Variants in LIN28B observed in about 807,000 individuals in gnomAD.
LIN28B encodes protein lin-28 homolog B.
A neutral mutation model predicts 21.9 loss-of-function variants in LIN28B; 5 were observed. The ratio of observed to expected loss-of-function variants is 0.23; its 90% CI spans 0.12 to 0.48. The LOEUF is 0.48. Among genes scored for constraint, LIN28B ranks in the 20% least tolerant of loss-of-function variants. The probability of loss-of-function intolerance (pLI) is 0.98; values close to 1 mark genes in which losing one functional copy is unlikely to be tolerated. For synonymous variants in LIN28B, 109 were observed against 111.3 expected, an observed-to-expected ratio of 0.98 and a Z score of 0.13; for missense variants, 245 against 310.5, an observed-to-expected ratio of 0.79 and a Z score of 1.58.
At chr6:104,942,633 C>T (rs1157979221) in intron 2 of LIN28B, among the ~76,000 whole-genome samples, 2 of 152,068 alleles carry the variant, frequency 1.3e-5, no homozygotes, top group African/African-American at 4.8e-5. Flanking sequence ...TAATTACACC[C>T]TTGTCCATCT....
chr6:105,056,053 G>C (rs1363051647), intron 3 of LIN28B, among the ~76,000 whole-genome samples: 3 of 150,386 alleles, frequency 2.0e-5, no homozygotes, highest in Admixed American at 1.3e-4. Context: ...GAGCCACTGT[G>C]CCCAGCCTCT....
chr6:104,956,822 A>G (rs182602741), upstream of LIN28B, among the ~76,000 whole-genome samples: 274 of 152,260 alleles, frequency 1.8e-3, 1 homozygote, highest in Non-Finnish European at 1.6e-3. Flanking sequence ...TTCTAAATCT[A>G]TGATTCACAA....
At chr6:104,983,151 T>C (rs569322286) in intron 2 of LIN28B, among the ~76,000 whole-genome samples, 1 of 152,292 alleles carries the variant, frequency 6.6e-6, no homozygotes, top group Admixed American at 6.5e-5. Context: ...ATAAATAATA[T>C]TCAAGGCATC....
At chr6:105,015,930 A>T (rs1335507794) in intron 2 of LIN28B, among the ~76,000 whole-genome samples, 1 of 152,202 alleles carries the variant, frequency 6.6e-6, no homozygotes, top group Non-Finnish European at 1.5e-5. Context: ...TTCTAGGCTT[A>T]TAGTATACAT....
upstream of LIN28B, among the ~76,000 whole-genome samples, chr6:104,956,590 A>G (rs1217008023): frequency 6.6e-6 from 1 of 152,302 alleles, no homozygotes; most frequent in Admixed American, 6.5e-5. Flanking sequence ...ATGGGGATGT[A>G]ATTAGGTTTA....
chr6:104,947,273 C>A (rs1364117602), intron 2 of LIN28B, among the ~76,000 whole-genome samples: 1 of 152,068 alleles, frequency 6.6e-6, no homozygotes, highest in Non-Finnish European at 1.5e-5. Context: ...TACAGGCATG[C>A]ACGACCACGC....
At chr6:104,996,105 C>T (rs1254442309) in intron 2 of LIN28B, among the ~76,000 whole-genome samples, 5 of 151,970 alleles carry the variant, frequency 3.3e-5, no homozygotes, top group East Asian at 1.9e-4. Flanking sequence ...AATAAGAGGG[C>T]GTTAAAAAGG....
chr6:105,054,901 A>T (rs1393033616), intron 3 of LIN28B, among the ~76,000 whole-genome samples: 1 of 149,972 alleles, frequency 6.7e-6, no homozygotes, highest in Non-Finnish European at 1.5e-5. Context: ...ATTCACTCAG[A>T]TATCTTTATT....
At chr6:105,028,922 C>T (rs961128023) in intron 3 of LIN28B, among the ~76,000 whole-genome samples, 1 of 152,060 alleles carries the variant, frequency 6.6e-6, no homozygotes, top group Non-Finnish European at 1.5e-5. Context: ...GGAGGAACAG[C>T]AAAGGGCACT....
intron 2 of LIN28B, among the ~76,000 whole-genome samples, chr6:104,992,376 CAATT>C (rs1161246484): frequency 6.6e-6 from 1 of 151,858 alleles, no homozygotes; most frequent in East Asian, 1.9e-4. Flanking sequence ...TCTTATGTAA[CAATT>C]AATATTACTT....
intron 2 of LIN28B, among the ~76,000 whole-genome samples, chr6:104,939,074 T>C (rs1778049280): frequency 1.3e-5 from 2 of 152,214 alleles, no homozygotes; most frequent in Non-Finnish European, 2.9e-5. Context: ...CAGTTCATTC[T>C]GTAAGTGCAT....
intron 2 of LIN28B, among the ~76,000 whole-genome samples, chr6:105,001,666 GA>G (rs1340016119): frequency 1.3e-5 from 2 of 152,196 alleles, no homozygotes; most frequent in Admixed American, 6.5e-5. Context: ...ATGAACAAAT[GA>G]GTAGGGAAGA....
chr6:105,003,674 A>G (rs1167633713), intron 2 of LIN28B, among the ~76,000 whole-genome samples: 1 of 151,888 alleles, frequency 6.6e-6, no homozygotes, highest in African/African-American at 2.4e-5. Context: ...CACCATGCCC[A>G]GCTAAGTTTT....
chr6:105,018,779 T>A (rs1771078769), intron 2 of LIN28B, among the ~76,000 whole-genome samples: 1 of 152,142 alleles, frequency 6.6e-6, no homozygotes. Context: ...CTTTCACTTC[T>A]AAGCCACTTA....
At chr6:105,057,101 A>G (rs1772036572) in intron 3 of LIN28B, among the ~76,000 whole-genome samples, 1 of 152,222 alleles carries the variant, frequency 6.6e-6, no homozygotes, top group Non-Finnish European at 1.5e-5. Context: ...ATGCAGAGAT[A>G]AAATATCTAT....
chr6:105,044,786 T>G (rs1437579133), intron 3 of LIN28B, among the ~76,000 whole-genome samples: 3 of 152,162 alleles, frequency 2.0e-5, no homozygotes, highest in Non-Finnish European at 4.4e-5. Flanking sequence ...AAGCCTGGCT[T>G]TTAGTGTACC....
upstream of LIN28B, among the ~76,000 whole-genome samples, chr6:104,954,817 T>C (rs1778263959): frequency 6.6e-6 from 1 of 152,142 alleles, no homozygotes; most frequent in African/African-American, 2.4e-5. Context: ...GTATTCCACT[T>C]TTCACCCACA....
Position 104,994,916 on chromosome 6 carries a change from G to T in LIN28B, c.199-31382G>T, listed in dbSNP as rs529092371. 2.1e-4 allele frequency among the ~76,000 whole-genome samples: 32 copies of T among 152,302 alleles called. 2 individuals are homozygous for T. The South Asian group carries it at 5.8e-3, about 28-fold the overall frequency. ...CAGATTTTCACTATAAGTGGTTCTT[G>T]CTGTATTGCAGACTGAGTTATCCCT... On this transcript the variant is annotated intron_variant, in intron 2 of 3. Transcript: ENST00000345080.
chr6:104,992,484 TTG>T (rs752464999), intron 2 of LIN28B, among the ~76,000 whole-genome samples: 6,789 of 135,918 alleles, frequency 0.05, 219 homozygotes, highest in African/African-American at 0.088. Flanking sequence ...TAAGTTTCTG[TTG>T]TGTGTGTGTG....
Sources: allele counts gnomAD v4.1 joint callset (sites outside exome capture counted in the v4.1 genomes callset), GRCh38; gene constraint gnomAD v4.1.1; transcripts MANE v1.5; gene names NCBI Gene and HGNC (gene_info 2026-07-23, HGNC 2026-07-21).